Variants in BPTF observed in about 807,000 individuals in gnomAD.
BPTF encodes the protein bromodomain PHD finger transcription factor, also known as nucleosome-remodeling factor subunit BPTF.
BPTF carries 18 observed loss-of-function variants against 292.5 expected under a neutral mutation model. The ratio of observed to expected loss-of-function variants is 0.06; its 90% confidence interval spans 0.04 to 0.09. BPTF has a LOEUF of 0.09. BPTF is among the 10% of genes least tolerant of loss of function. The probability of loss-of-function intolerance (pLI) is 1.00; values close to 1 mark genes in which losing one functional copy is unlikely to be tolerated. For synonymous variants in BPTF, 1,225 were observed against 1,251.9 expected, an observed-to-expected ratio of 0.98 and a Z score of 0.45; for missense variants, 2,726 against 3,498.7, an observed-to-expected ratio of 0.78 and a Z score of 5.57.
intron 4 of BPTF, among the ~76,000 whole-genome samples, chr17:67,888,276 C>T (rs1005160644): frequency 1.3e-5 from 2 of 152,038 alleles, no homozygotes; most frequent in Admixed American, 6.6e-5. Flanking sequence ...TCTAGTATTT[C>T]TCTGTGTGTA....
chr17:67,877,980 A>C (rs572578156), intron 4 of BPTF, among the ~76,000 whole-genome samples: 3 of 152,336 alleles, frequency 2.0e-5, no homozygotes, highest in African/African-American at 7.2e-5. Flanking sequence ...TATAAATATT[A>C]AGTGAATAAC....
intron 2 of BPTF, among the ~76,000 whole-genome samples, chr17:67,855,576 T>A (rs2058640510): frequency 6.6e-6 from 1 of 152,206 alleles, no homozygotes; most frequent in African/African-American, 2.4e-5. Context: ...GGCCTCAGTG[T>A]TCCTGAGGGT....
At chr17:67,934,520 A>C (rs2064735321) in intron 18 of BPTF, among the ~76,000 whole-genome samples, 1 of 146,450 alleles carries the variant, frequency 6.8e-6, no homozygotes, top group Non-Finnish European at 1.5e-5. Context: ...ACTCTGTCTC[A>C]AAAAAAAAAA....
At chr17:67,964,721 C>T (rs1202259987) in intron 25 of BPTF, among the ~76,000 whole-genome samples, 21 of 152,176 alleles carry the variant, frequency 1.4e-4, no homozygotes, top group Non-Finnish European at 2.5e-4. Flanking sequence ...TTGTTCTTGG[C>T]CGGGCATGGT....
intron 4 of BPTF, chr17:67,875,540 G>A (rs751555733): frequency 6.2e-6 from 9 of 1,459,604 alleles, no homozygotes; most frequent in African/African-American, 1.4e-5. Flanking sequence ...AAGTTTTGTT[G>A]TGCATTTTGC....
intron 17 of BPTF, among the ~76,000 whole-genome samples, chr17:67,930,954 CA>C (rs955723224): frequency 2.0e-3 from 265 of 131,958 alleles, no homozygotes; most frequent in Non-Finnish European, 1.8e-3. Context: ...GACTCTGTCT[CA>C]AAAAAAAAAA....
chr17:67,959,246 G>C (rs1555682403), intron 23 of BPTF, among the ~76,000 whole-genome samples: 1 of 151,690 alleles, frequency 6.6e-6, no homozygotes. Flanking sequence ...AGATGGGACA[G>C]GGGCAAGCCA....
chr17:67,907,066 T>G (rs1460206176), intron 9 of BPTF, among the ~76,000 whole-genome samples: 1 of 151,590 alleles, frequency 6.6e-6, no homozygotes, highest in Non-Finnish European at 1.5e-5. Flanking sequence ...ACACCTGTAT[T>G]CCCAGTTACT....
chr17:67,846,192 A>G (rs570494210), intron 1 of BPTF, among the ~76,000 whole-genome samples: 1 of 152,324 alleles, frequency 6.6e-6, no homozygotes, highest in East Asian at 1.9e-4. Flanking sequence ...ACATTCAGAA[A>G]AGTTTTAAAA....
At chr17:67,868,408 A>G (rs2059513893) in intron 3 of BPTF, among the ~76,000 whole-genome samples, 1 of 152,196 alleles carries the variant, frequency 6.6e-6, no homozygotes, top group Non-Finnish European at 1.5e-5. Flanking sequence ...CTCTGCAGAT[A>G]GCAAAATCCA....
At position 67,849,697 on chromosome 17, in the gene BPTF, G is replaced by A. The variant is rs148548520; in HGVS notation, c.614-4243G>A. Among the ~76,000 whole-genome samples, 811 of 152,164 alleles carry A rather than the reference G, an allele frequency of 5.3e-3. 4 individuals carry two copies. Among genetic ancestry groups the A allele is most frequent in the Middle Eastern group, 0.031 (9 of 294 alleles). ...TCACACCTGTAATCCCATAACTTTG[G>A]GAGGCTAAGGCGGGTGGATCACTTG... On this transcript the variant is annotated intron_variant, in intron 1 of 27. Coordinates refer to ENST00000306378, the MANE Select transcript of BPTF (RefSeq NM_182641.4).
chr17:67,964,390 C>G lies in BPTF; in HGVS notation c.8440C>G (p.Leu2814Val). 6.2e-7 allele frequency: 1 copy of G among 1,613,558 alleles called. No individual in the cohort carries two copies. Among genetic ancestry groups the G allele is most frequent in the Admixed American group, 1.7e-5 (1 of 60,010 alleles). The change falls in exon 25 of 28, where the codon CTC becomes GTC. Residue 2814 changes from leucine to valine, a missense_variant. Transcript: ENST00000306378. ...GGATTATGAGGGGTTGAAGAGGGTGCTCCGTTCCTTACAGGTGAGACCCCT... is the reference window on the plus strand; with the variant it reads ...GGATTATGAGGGGTTGAAGAGGGTGGTCCGTTCCTTACAGGTGAGACCCCT... ...EKDYEGLKRV[L>V]RSLQAHKMAW... is the part of the protein sequence containing the mutation.
intron 7 of BPTF, among the ~76,000 whole-genome samples, chr17:67,897,633 G>C (rs1389968627): frequency 6.6e-6 from 1 of 152,080 alleles, no homozygotes; most frequent in Non-Finnish European, 1.5e-5. Context: ...ATGCCACAAT[G>C]ATCTCAGTCC....
At chr17:67,865,016 CG>C (rs1394254614) in intron 2 of BPTF, among the ~76,000 whole-genome samples, 23 of 152,014 alleles carry the variant, frequency 1.5e-4, no homozygotes, top group African/African-American at 5.3e-4. Flanking sequence ...CCGTGTTAAC[CG>C]GGATGGTCTC....
chr17:67,878,083 A>G (rs2060156406), intron 4 of BPTF, among the ~76,000 whole-genome samples: 1 of 152,224 alleles, frequency 6.6e-6, no homozygotes, highest in Admixed American at 6.5e-5. Flanking sequence ...GGTACTGACT[A>G]TTCTGACTTC....
At position 67,953,961 on chromosome 17, in the gene BPTF, C is replaced by CTTTTTTTTTTTTTTTTTTTTT. The variant is rs869063412; in HGVS notation, c.7927-5559_7927-5539dup. Among the ~76,000 whole-genome samples the CTTTTTTTTTTTTTTTTTTTTT allele has an allele frequency of 1.4e-4, 9 of 65,638 alleles. 1 individual carries two copies. The highest frequency in any genetic ancestry group is 5.8e-4 in the African/African-American group (8 of 13,814). The allele number at this position is 65,638 out of a possible 152,430, so 43.1% of individuals were successfully genotyped here. A position where few individuals can be genotyped will look rare whatever the true frequency, so the allele number is the denominator to read the frequency against. On this transcript the variant is annotated intron_variant, in intron 23 of 27. Coordinates refer to ENST00000306378, the MANE Select transcript of BPTF (RefSeq NM_182641.4). ...ATCTTTTTTCTTTTTCTTTTCTTTTCTTTTTTTTTTTTTTTTTTTTTTTTT... is the reference window on the plus strand; with the variant it reads ...ATCTTTTTTCTTTTTCTTTTCTTTTCTTTTTTTTTTTTTTTTTTTTTTTTTTTTTTTTTTTTTTTTTTTTTT...
chr17:67,920,840 C>T (rs538114391), intron 13 of BPTF, among the ~76,000 whole-genome samples: 1 of 151,580 alleles, frequency 6.6e-6, no homozygotes, highest in South Asian at 2.1e-4. Context: ...ATTGTAGTAT[C>T]CAGATTGAAA....
chr17:67,893,257 T>A, intron 5 of BPTF, 113 bp from the exon 6 acceptor site: 1 of 720,372 alleles, frequency 1.4e-6, no homozygotes, highest in Non-Finnish European at 2.4e-6. Context: ...ATCATAAGAT[T>A]TATCTTAACT....
At position 67,885,874 on chromosome 17, in the gene BPTF, GGTGATACGAGTCA is replaced by G. The variant is rs778279959; in HGVS notation, c.1865-5965_1865-5953del. On this transcript the variant is annotated intron_variant, in intron 4 of 27. Coordinates refer to ENST00000306378, the MANE Select transcript of BPTF (RefSeq NM_182641.4). ...TTGTCTGCCTTGTACTGGAGACTAA[GGTGATACGAGTCA>G]GTGAGTTAGAGTTGGGTCCTCACCC... Among the ~76,000 whole-genome samples, 158 of 152,212 alleles carry G rather than the reference GGTGATACGAGTCA, an allele frequency of 1.0e-3. 1 individual carries two copies. The highest frequency in any genetic ancestry group is 1.5e-3 in the Admixed American group (23 of 15,290).
Sources: allele counts gnomAD v4.1 joint callset (sites outside exome capture counted in the v4.1 genomes callset), GRCh38; gene constraint gnomAD v4.1.1; transcripts MANE v1.5; gene names NCBI Gene and HGNC (gene_info 2026-07-23, HGNC 2026-07-21).